CREB3L2: variants seen among roughly 807,000 people sequenced by gnomAD.
CREB3L2 encodes cAMP responsive element binding protein 3 like 2, also known as cyclic AMP-responsive element-binding protein 3-like protein 2.
A neutral mutation model predicts 57.2 loss-of-function variants in CREB3L2; 23 were observed. That is an observed-to-expected ratio of 0.40 (90% CI 0.29 to 0.57). CREB3L2 has a LOEUF of 0.57. CREB3L2 is among the 20% of genes least tolerant of loss of function. The probability of loss-of-function intolerance (pLI) is 0.42; values close to 1 mark genes in which losing one functional copy is unlikely to be tolerated. For missense variants in CREB3L2, 628 were observed against 634.7 expected, an observed-to-expected ratio of 0.99 and a Z score of 0.11; for synonymous variants, 268 against 265.1, an observed-to-expected ratio of 1.01 and a Z score of -0.11.
intron 1 of CREB3L2, among the ~76,000 whole-genome samples, chr7:137,937,136 A>T (rs1205231571): frequency 6.6e-6 from 1 of 152,190 alleles, no homozygotes; most frequent in East Asian, 1.9e-4. Flanking sequence ...CTGAAAAGAT[A>T]GTTCTCCGGC....
chr7:137,882,531 A>G lies in CREB3L2; in HGVS notation c.1368T>C (p.Gly456=). 6.2e-7 allele frequency: 1 copy of G among 1,613,710 alleles called. No homozygotes were observed. Among genetic ancestry groups the G allele is most frequent in the Non-Finnish European group, 8.5e-7 (1 of 1,179,746 alleles). ...GCCCTGACACCCTGAGCAGGGAGGA[A>G]CCTCTATCCCAGCCCCCCAGCTCCC... ...SAGELGGWDR[G]SSLLRVSGLE... is the part of the protein sequence containing the mutation. The change falls in exon 11 of 12, where the codon GGT becomes GGC. Residue 456 remains glycine (G), a synonymous_variant. Coordinates refer to ENST00000330387, the MANE Select transcript of CREB3L2 (RefSeq NM_194071.4).
chr7:137,978,477 T>TTCAC (rs1232003113), intron 1 of CREB3L2, among the ~76,000 whole-genome samples: 2 of 152,172 alleles, frequency 1.3e-5, no homozygotes, highest in African/African-American at 4.8e-5. Flanking sequence ...TCTGACCAGC[T>TTCAC]TCACTCCTTC....
chr7:137,914,960 C>G (rs767868779), intron 3 of CREB3L2, among the ~76,000 whole-genome samples: 2 of 152,104 alleles, frequency 1.3e-5, no homozygotes, highest in Non-Finnish European at 2.9e-5. Flanking sequence ...GTGCCTCGAT[C>G]TCGGCTCACT....
At position 137,956,419 on chromosome 7, in the gene CREB3L2, A is replaced by C. The variant is rs1416888357; in HGVS notation, c.103-28053T>G. ...TCGTTTCGCAGTGTTAGCAGTGGAC[A>C]GTAATACCCGGGTTTCCTCCCCAGT... On this transcript the variant is annotated intron_variant, in intron 1 of 11. Transcript: ENST00000330387. Among the ~76,000 whole-genome samples the C allele has an allele frequency of 2.0e-5, 3 of 152,220 alleles. No individual in the cohort carries two copies. In the East Asian group the frequency reaches 5.8e-4, roughly 29 times the overall value.
At chr7:137,908,862 G>A (rs1342115742) in intron 4 of CREB3L2, among the ~76,000 whole-genome samples, 2 of 152,102 alleles carry the variant, frequency 1.3e-5, no homozygotes, top group Non-Finnish European at 2.9e-5. Flanking sequence ...AATCCCAGCT[G>A]CTACTCAGGA....
chr7:137,894,509 C>T (rs943050102), intron 8 of CREB3L2, among the ~76,000 whole-genome samples: 1 of 152,150 alleles, frequency 6.6e-6, no homozygotes, highest in Non-Finnish European at 1.5e-5. Flanking sequence ...CTCTGTCTAC[C>T]CCATTGGCTT....
At chr7:137,969,340 CTTTTTTT>C (rs71177936) in intron 1 of CREB3L2, among the ~76,000 whole-genome samples, 1 of 77,068 alleles carries the variant, frequency 1.3e-5, no homozygotes. Flanking sequence ...TTATGATCTT[CTTTTTTT>C]TTTTTTTTTT....
At chr7:137,920,479 C>G (rs1277315207) in intron 2 of CREB3L2, among the ~76,000 whole-genome samples, 1 of 152,118 alleles carries the variant, frequency 6.6e-6, no homozygotes, top group Non-Finnish European at 1.5e-5. Context: ...CTCTGCTGAC[C>G]CCCACACAGA....
chr7:137,979,430 T>C (rs778615990), intron 1 of CREB3L2, among the ~76,000 whole-genome samples: 5 of 152,082 alleles, frequency 3.3e-5, no homozygotes, highest in African/African-American at 9.7e-5. Context: ...CTTAGTTTAA[T>C]ATAAGAATGC....
chr7:137,890,844 A>G (rs2117184142), intron 8 of CREB3L2, among the ~76,000 whole-genome samples: 1 of 152,336 alleles, frequency 6.6e-6, no homozygotes, highest in African/African-American at 2.4e-5. Context: ...CTGGGTGGAG[A>G]AAAGACAGCC....
At position 137,878,908 on chromosome 7, in the gene CREB3L2, T is replaced by G. The variant is rs1393020744; in HGVS notation, c.*1568A>C. The G allele has an allele frequency of 5.2e-6, 2 of 381,446 alleles. No individual in the cohort carries two copies. The highest frequency in any genetic ancestry group is 9.4e-5 in the East Asian group (2 of 21,192). The allele number at this position is 381,446 out of a possible 1,614,324, so 23.6% of individuals were successfully genotyped here. On this transcript the variant is annotated 3_prime_UTR_variant, in exon 12 of 12. Transcript: ENST00000330387. The stretch of plus-strand genomic sequence containing the variant: ...CTCCAATAACAATGCAGATGACGTG[T>G]GTGGGGGTGGGTGGTGGGGGGAGAG...
intron 1 of CREB3L2, chr7:137,956,510 T>G: frequency 1.5e-6 from 1 of 660,942 alleles, no homozygotes; most frequent in Non-Finnish European, 2.4e-6. Flanking sequence ...AGCTCTCTCT[T>G]ATTCACAAAA....
intron 1 of CREB3L2, among the ~76,000 whole-genome samples, chr7:137,984,008 T>A (rs1801753780): frequency 6.6e-6 from 1 of 152,204 alleles, no homozygotes; most frequent in South Asian, 2.1e-4. Flanking sequence ...GATCAGGGGA[T>A]GAGCAGCCAC....
intron 1 of CREB3L2, among the ~76,000 whole-genome samples, chr7:137,998,204 C>T (rs1802022637): frequency 6.6e-6 from 1 of 152,134 alleles, no homozygotes; most frequent in African/African-American, 2.4e-5. Flanking sequence ...TGAAAAAAAA[C>T]ATTGCTCCTA....
intron 1 of CREB3L2, among the ~76,000 whole-genome samples, chr7:137,942,593 C>T (rs756819076): frequency 8.6e-5 from 13 of 152,034 alleles, no homozygotes; most frequent in Non-Finnish European, 1.3e-4. Context: ...AAATAAAACA[C>T]GAGGCCATAA....
In CREB3L2 at chr7:137,931,435, T is replaced by C. The variant is rs1344750034; in HGVS notation, c.103-3069A>G. ...TACTCAGGAGGCTGAGGCAGCAGAATGGGGTGAACCCAGGAGGCGGAGCTT... is the reference window on the plus strand; with the variant it reads ...TACTCAGGAGGCTGAGGCAGCAGAACGGGGTGAACCCAGGAGGCGGAGCTT... On this transcript the variant is annotated intron_variant, in intron 1 of 11. Coordinates refer to ENST00000330387, the MANE Select transcript of CREB3L2 (RefSeq NM_194071.4). 2.7e-5 allele frequency among the ~76,000 whole-genome samples: 4 copies of C among 145,658 alleles called. No homozygotes were observed. In the East Asian group the frequency reaches 8.1e-4, roughly 30 times the overall value.
chr7:137,900,627 T>C (rs1384669631), intron 8 of CREB3L2, among the ~76,000 whole-genome samples: 4 of 150,496 alleles, frequency 2.7e-5, no homozygotes, highest in Non-Finnish European at 5.9e-5. Context: ...AAACCCCATC[T>C]CTACTAAAAA....
chr7:137,956,347 G>C (rs1024855297), intron 1 of CREB3L2, among the ~76,000 whole-genome samples: 13 of 152,160 alleles, frequency 8.5e-5, no homozygotes, highest in African/African-American at 2.9e-4. Flanking sequence ...AGCATCTCAG[G>C]TCAGTGTCTG....
intron 2 of CREB3L2, among the ~76,000 whole-genome samples, chr7:137,922,946 G>T (rs1800369407): frequency 1.3e-5 from 2 of 152,006 alleles, no homozygotes; most frequent in Non-Finnish European, 2.9e-5. Flanking sequence ...CTGGGGAAAG[G>T]GGCAAGAATT....
Sources: allele counts gnomAD v4.1 joint callset (sites outside exome capture counted in the v4.1 genomes callset), GRCh38; gene constraint gnomAD v4.1.1; transcripts MANE v1.5; gene names NCBI Gene and HGNC (gene_info 2026-07-23, HGNC 2026-07-21).